Variants in KCNH8 observed in about 807,000 individuals in gnomAD.
KCNH8 encodes voltage-gated delayed rectifier potassium channel KCNH8.
KCNH8 carries 70 observed loss-of-function variants against 103.6 expected under a neutral mutation model. The observed-to-expected ratio is 0.68, with a 90% CI of 0.56 to 0.82. KCNH8 has a LOEUF of 0.82. Among genes scored for constraint, KCNH8 ranks in the 40% least tolerant of loss-of-function variants. The pLI is 0.00. For missense variants in KCNH8, 1,217 were observed against 1,329.9 expected, an observed-to-expected ratio of 0.92 and a Z score of 1.32; for synonymous variants, 498 against 489.4, an observed-to-expected ratio of 1.02 and a Z score of -0.23.
chr3:19,529,416 A>C (rs1428584957), intron 15 of KCNH8, among the ~76,000 whole-genome samples: 3 of 152,148 alleles, frequency 2.0e-5, no homozygotes, highest in African/African-American at 4.8e-5. Context: ...ATATGTACAC[A>C]TGTCTTCTTG....
At position 19,501,298 on chromosome 3, in the gene KCNH8, G is replaced by A. The variant is rs528585338; in HGVS notation, c.2041-9065G>A. On this transcript the variant is annotated intron_variant, in intron 11 of 15. Transcript: ENST00000328405. ...TGGCAATAATCAATAGCTTACCAAC[G>A]AAAAAGAGTCCAGACCAGATGGATT... 9.2e-5 allele frequency among the ~76,000 whole-genome samples: 14 copies of A among 152,136 alleles called. No individual in the cohort carries two copies. In the East Asian group the frequency reaches 2.7e-3, roughly 29 times the overall value.
chr3:19,437,872 C>T (rs2067224164), intron 7 of KCNH8, among the ~76,000 whole-genome samples: 1 of 152,138 alleles, frequency 6.6e-6, no homozygotes, highest in Non-Finnish European at 1.5e-5. Flanking sequence ...CTGAGAGTAG[C>T]CATCCCTGCA....
At chr3:19,197,786 T>C (rs1377744399) in intron 1 of KCNH8, among the ~76,000 whole-genome samples, 1 of 152,076 alleles carries the variant, frequency 6.6e-6, no homozygotes, top group Non-Finnish European at 1.5e-5. Flanking sequence ...TTGTATAAAA[T>C]TTTACTGTTA....
At chr3:19,285,396 C>T (rs1023905990) in intron 3 of KCNH8, among the ~76,000 whole-genome samples, 6 of 152,196 alleles carry the variant, frequency 3.9e-5, no homozygotes, top group Admixed American at 3.3e-4. Flanking sequence ...GTCTCAGGAA[C>T]TGAGTTTCCT....
intron 2 of KCNH8, among the ~76,000 whole-genome samples, chr3:19,278,596 G>A (rs749135976): frequency 2.6e-5 from 4 of 151,644 alleles, no homozygotes; most frequent in Admixed American, 6.6e-5. Context: ...GAAGGAAATA[G>A]TTTTTATGCC....
intron 1 of KCNH8, among the ~76,000 whole-genome samples, chr3:19,249,493 GAATT>G (rs2064249238): frequency 6.6e-6 from 1 of 152,116 alleles, no homozygotes; most frequent in Non-Finnish European, 1.5e-5. Context: ...TTTGCAGAAA[GAATT>G]AACCACCTCA....
intron 7 of KCNH8, among the ~76,000 whole-genome samples, chr3:19,432,459 G>T (rs2067137766): frequency 6.6e-6 from 1 of 152,158 alleles, no homozygotes; most frequent in Non-Finnish European, 1.5e-5. Context: ...ATTTGGGGCA[G>T]ATTATTAATG....
intron 5 of KCNH8, among the ~76,000 whole-genome samples, chr3:19,375,038 A>G (rs1448752817): frequency 6.6e-6 from 1 of 150,734 alleles, no homozygotes; most frequent in Non-Finnish European, 1.5e-5. Flanking sequence ...TGCCCTTAAC[A>G]TTTTTTCCTT....
Position 19,450,119 on chromosome 3 carries a change from C to T in KCNH8, c.1389C>T (p.Ala463=). The T allele has an allele frequency of 6.2e-7, 1 of 1,613,396 alleles. No individual in the cohort carries two copies. Among genetic ancestry groups the T allele is most frequent in the African/African-American group, 1.3e-5 (1 of 74,962 alleles). The change falls in exon 9 of 16, where the codon GCC becomes GCT. Residue 463 remains alanine (A), a synonymous_variant. Coordinates refer to ENST00000328405, the MANE Select transcript of KCNH8 (RefSeq NM_144633.3). The part of the protein sequence containing the change: ...CTMLIGALMH[A]LVFGNVTAII... Reference sequence around the variant, plus strand: ...TGTTCTTTCTAGCCTTGATGCACGCCTTGGTGTTTGGAAACGTGACAGCAA... The same window carrying T: ...TGTTCTTTCTAGCCTTGATGCACGCTTTGGTGTTTGGAAACGTGACAGCAA...
intron 7 of KCNH8, among the ~76,000 whole-genome samples, chr3:19,413,659 G>T (rs1471517705): frequency 6.6e-6 from 1 of 152,036 alleles, no homozygotes; most frequent in Non-Finnish European, 1.5e-5. Flanking sequence ...AGGCTTTAGA[G>T]GAAACCAATC....
At chr3:19,305,556 A>G (rs1286200652) in intron 3 of KCNH8, among the ~76,000 whole-genome samples, 2 of 152,078 alleles carry the variant, frequency 1.3e-5, no homozygotes, top group African/African-American at 4.8e-5. Flanking sequence ...AGATTAGTTA[A>G]TATTCCACTT....
chr3:19,308,715 T>C (rs914505736), intron 3 of KCNH8, among the ~76,000 whole-genome samples: 2 of 50,802 alleles, frequency 3.9e-5, no homozygotes, highest in Admixed American at 2.0e-4. Flanking sequence ...TCTCTCTCTC[T>C]CTCCCCCTCT....
chr3:19,517,280 A>G (rs1247883432), intron 14 of KCNH8, among the ~76,000 whole-genome samples: 1 of 151,994 alleles, frequency 6.6e-6, no homozygotes, highest in African/African-American at 2.4e-5. Flanking sequence ...CTGCAAAACA[A>G]TTTCTTATTA....
At chr3:19,270,170 T>C (rs985128538) in intron 2 of KCNH8, among the ~76,000 whole-genome samples, 1 of 152,146 alleles carries the variant, frequency 6.6e-6, no homozygotes, top group Non-Finnish European at 1.5e-5. Context: ...TTTTTTAATG[T>C]ATTGTCTATT....
At chr3:19,414,698 TATTG>T (rs1319243770) in intron 7 of KCNH8, among the ~76,000 whole-genome samples, 1 of 152,086 alleles carries the variant, frequency 6.6e-6, no homozygotes, top group Non-Finnish European at 1.5e-5. Context: ...TGCTTACACT[TATTG>T]ATCACAAACT....
At chr3:19,279,791 G>A (rs1330018934) in intron 2 of KCNH8, among the ~76,000 whole-genome samples, 2 of 152,016 alleles carry the variant, frequency 1.3e-5, no homozygotes, top group African/African-American at 4.8e-5. Flanking sequence ...GTGTTTAACT[G>A]CAGAAAAAAA....
At position 19,487,436 on chromosome 3, in the gene KCNH8, G is replaced by A. The variant is rs180857451; in HGVS notation, c.2041-22927G>A. On this transcript the variant is annotated intron_variant, in intron 11 of 15. Transcript: ENST00000328405. Reference sequence around the variant, plus strand: ...GACAGGCAGGAGGTAGGTGTTCTATGGAGACTGGCAAGGAACTATAGTTCT... The same window carrying A: ...GACAGGCAGGAGGTAGGTGTTCTATAGAGACTGGCAAGGAACTATAGTTCT... 3.0e-3 allele frequency among the ~76,000 whole-genome samples: 463 copies of A among 152,258 alleles called. 1 individual carries two copies. The highest frequency in any genetic ancestry group is 5.6e-3 in the Non-Finnish European group (382 of 68,020).
At chr3:19,291,452 T>C (rs1376603907) in intron 3 of KCNH8, among the ~76,000 whole-genome samples, 3 of 152,282 alleles carry the variant, frequency 2.0e-5, no homozygotes, top group Admixed American at 6.5e-5. Context: ...TGTTTTTGTT[T>C]TCATTGGTTT....
intron 1 of KCNH8, among the ~76,000 whole-genome samples, chr3:19,163,451 T>C (rs2063253451): frequency 6.6e-6 from 1 of 152,048 alleles, no homozygotes; most frequent in Non-Finnish European, 1.5e-5. Context: ...GTCCCTAATT[T>C]ATACCTTATT....
Sources: gnomAD v4.1 joint callset for allele counts (sites outside exome capture counted in the v4.1 genomes callset) on GRCh38, gnomAD v4.1.1 for gene constraint, MANE v1.5 for transcripts, NCBI Gene and HGNC (gene_info 2026-07-23, HGNC 2026-07-21) for gene names.